Variants in IFNAR1 observed in about 807,000 individuals in gnomAD.
IFNAR1 encodes interferon alpha and beta receptor subunit 1, also known as interferon alpha/beta receptor 1.
IFNAR1 carries 47 observed loss-of-function variants against 62.1 expected under a neutral mutation model. The ratio of observed to expected loss-of-function variants is 0.76; its 90% CI spans 0.60 to 0.97. The LOEUF (loss-of-function observed/expected upper bound fraction) is 0.97, where lower values mean the gene tolerates loss of function less well. Among genes scored for constraint, IFNAR1 ranks in the 50% least tolerant of loss-of-function variants. The pLI is 0.00. For missense variants in IFNAR1, 638 were observed against 654.5 expected (o/e 0.97, Z 0.27); for synonymous variants, 219 against 226.9 (o/e 0.97, Z 0.31).
intron 1 of IFNAR1, among the ~76,000 whole-genome samples, chr21:33,332,738 A>G (rs573547461): frequency 1.4e-4 from 21 of 152,342 alleles, no homozygotes; most frequent in Non-Finnish European, 3.1e-4. Context: ...AAAAAATACA[A>G]TAAAGAGCTT....
chr21:33,349,674 C>G, intron 8 of IFNAR1, 131 bp downstream of exon 8: 1 of 656,930 alleles, frequency 1.5e-6, no homozygotes, highest in Non-Finnish European at 2.5e-6. Flanking sequence ...CCTGTAATCC[C>G]AGCACTTCAG....
intron 1 of IFNAR1, among the ~76,000 whole-genome samples, chr21:33,333,593 A>T (rs1405378936): frequency 2.0e-5 from 3 of 151,500 alleles, no homozygotes; most frequent in Non-Finnish European, 2.9e-5. Context: ...TAAATTCCAT[A>T]CTTAAAGAGA....
chr21:33,327,913 G>A (rs1241624088), intron 1 of IFNAR1, among the ~76,000 whole-genome samples: 3 of 152,148 alleles, frequency 2.0e-5, no homozygotes, highest in Non-Finnish European at 4.4e-5. Flanking sequence ...AAGATTTTCT[G>A]ATTGGTAATT....
rs765929924 is a variant in IFNAR1 at position 33,335,579 on chromosome 21, C to T, written c.132C>T (p.Asn44=). Residue 44 remains asparagine (N), a synonymous_variant, in exon 2 of 11, where the codon AAC becomes AAT. Coordinates refer to ENST00000270139, the MANE Select transcript of IFNAR1 (RefSeq NM_000629.3). ...QKVEVDIIDD[N]FILRWNRSDE... is the part of the protein sequence containing the mutation. The stretch of plus-strand genomic sequence containing the variant: ...TAGAGGTCGACATCATAGATGACAA[C>T]TTTATCCTGAGGTGGAACAGGAGCG... 6.2e-7 allele frequency: 1 copy of T among 1,607,882 alleles called. No homozygotes were observed. The highest frequency in any genetic ancestry group is 8.5e-7 in the Non-Finnish European group (1 of 1,176,834).
Position 33,356,083 on chromosome 21 carries a change from C to G in IFNAR1, c.*534C>G, listed in dbSNP as rs2083445365. On this transcript the variant is annotated 3_prime_UTR_variant, in exon 11 of 11. Transcript: ENST00000270139. ...TTCCATGTGTAAAATCATGAAAAAG[C>G]CTGTCACCGGACTTGCATTGGATGA... is the stretch of plus-strand genomic sequence containing the variant. 1.3e-5 allele frequency: 2 copies of G among 152,154 alleles called. No homozygotes were observed. Among genetic ancestry groups the G allele is most frequent in the African/African-American group, 4.8e-5 (2 of 41,438 alleles). 9.4% of individuals were successfully genotyped at this position (152,154 alleles called of 1,614,324 possible). A position where few individuals can be genotyped will look rare whatever the true frequency, so the allele number is the denominator to read the frequency against.
chr21:33,334,128 A>G (rs1318484033), intron 1 of IFNAR1, among the ~76,000 whole-genome samples: 2 of 152,234 alleles, frequency 1.3e-5, no homozygotes, highest in Non-Finnish European at 2.9e-5. Flanking sequence ...GCAAGAGGAT[A>G]TAACAATTCT....
chr21:33,348,395 AATAG>A (rs2083368817), intron 6 of IFNAR1, among the ~76,000 whole-genome samples: 1 of 152,264 alleles, frequency 6.6e-6, no homozygotes, highest in Non-Finnish European at 1.5e-5. Flanking sequence ...ATATAGCTAC[AATAG>A]ATAAAGATAG....
chr21:33,352,977 T>C, intron 9 of IFNAR1, 69 bp downstream of exon 9: 1 of 1,085,428 alleles, frequency 9.2e-7, no homozygotes, highest in African/African-American at 1.6e-5. Context: ...ATACTGTACA[T>C]TGAAAATTGT....
intron 1 of IFNAR1, among the ~76,000 whole-genome samples, chr21:33,325,509 C>T (rs2083118646): frequency 6.6e-6 from 1 of 152,192 alleles, no homozygotes; most frequent in South Asian, 2.1e-4. Context: ...GGTGAATAGG[C>T]GCCCAGTCCC....
At chr21:33,335,996 A>G (rs2083230872) in intron 2 of IFNAR1, among the ~76,000 whole-genome samples, 2 of 147,218 alleles carry the variant, frequency 1.4e-5, no homozygotes, top group Admixed American at 6.8e-5. Flanking sequence ...GTATGTATAC[A>G]TGTGCCATGC....
intron 1 of IFNAR1, among the ~76,000 whole-genome samples, chr21:33,326,497 G>C (rs560220324): frequency 6.6e-6 from 1 of 152,112 alleles, no homozygotes; most frequent in Non-Finnish European, 1.5e-5. Flanking sequence ...CACCACGCCC[G>C]ATCTATTTAT....
At chr21:33,343,468 T>C (rs1568930167) in intron 4 of IFNAR1, 46 bp downstream of exon 4, 2 of 1,571,668 alleles carry the variant, frequency 1.3e-6, no homozygotes, top group Admixed American at 3.5e-5. Context: ...AGAGAAAAAT[T>C]AGGCGAATTA....
chr21:33,359,614 C>G lies in IFNAR1; in HGVS notation c.*4065C>G, dbSNP rs1281543587. On this transcript the variant is annotated 3_prime_UTR_variant, in exon 11 of 11. Coordinates refer to ENST00000270139, the MANE Select transcript of IFNAR1 (RefSeq NM_000629.3). ...AACTGTTTGCCCTTCACAAGTAGTTCTTCTTTCAGGATTAGTTCGTTCCAA... is the reference window on the plus strand; with the variant it reads ...AACTGTTTGCCCTTCACAAGTAGTTGTTCTTTCAGGATTAGTTCGTTCCAA... 2 of 152,162 alleles carry G rather than the reference C, an allele frequency of 1.3e-5. No homozygotes were observed. Among genetic ancestry groups the G allele is most frequent in the African/African-American group, 4.8e-5 (2 of 41,442 alleles). 9.4% of individuals were successfully genotyped at this position (152,162 alleles called of 1,614,324 possible).
At chr21:33,326,952 C>G (rs183279521) in intron 1 of IFNAR1, among the ~76,000 whole-genome samples, 45 of 152,072 alleles carry the variant, frequency 3.0e-4, no homozygotes, top group East Asian at 2.5e-3. Context: ...GAGGGGTACC[C>G]AAAGAGAATC....
intron 1 of IFNAR1, 71 bp from the exon 2 acceptor site, chr21:33,335,453 A>T: frequency 1.2e-6 from 1 of 829,674 alleles, no homozygotes; most frequent in South Asian, 2.2e-5. Flanking sequence ...CAGGGATGTG[A>T]GGGATAGAAT....
At position 33,325,020 on chromosome 21, in the gene IFNAR1, G is replaced by A. The variant is rs144986404; in HGVS notation, c.-36G>A. The A allele has an allele frequency of 9.4e-4, 1,470 of 1,561,710 alleles. 1 individual carries two copies. Among genetic ancestry groups the A allele is most frequent in the Non-Finnish European group, 1.2e-3 (1,383 of 1,151,296 alleles). On this transcript the variant is annotated 5_prime_UTR_variant, in exon 1 of 11. Coordinates refer to ENST00000270139, the MANE Select transcript of IFNAR1 (RefSeq NM_000629.3). The stretch of plus-strand genomic sequence containing the variant: ...CGGCTGAGAGGAGCTGCGCGTGCGC[G>A]AACATGTAACTGGTGGGATCTGCGG...
rs764523597 is a variant in IFNAR1 at position 33,352,889 on chromosome 21, A to G, written c.1275A>G (p.Val425=). ...LNKSSVFSDA[V]CEKTKPGNTS... is the part of the protein sequence containing the mutation. ...AAAGCAGTGTTTTTAGTGACGCTGT[A>G]TGTGAGAAAACAAAACCAGGTCAGA... The change falls in exon 9 of 11, where the codon GTA becomes GTG. Residue 425 remains valine, a synonymous_variant. Coordinates refer to ENST00000270139, the MANE Select transcript of IFNAR1 (RefSeq NM_000629.3). 7 of 1,583,112 alleles carry G rather than the reference A, an allele frequency of 4.4e-6. No homozygotes were observed. In the South Asian group the frequency reaches 8.2e-5, roughly 18 times the overall value.
intron 2 of IFNAR1, among the ~76,000 whole-genome samples, chr21:33,337,718 C>CATACATATACACACATTGTGT (rs1568927998): frequency 1.5e-5 from 2 of 130,478 alleles, no homozygotes; most frequent in Non-Finnish European, 3.5e-5. Flanking sequence ...ATTGTGTATA[C>CATACATATACACACATTGTGT]ATACATATAC....
intron 8 of IFNAR1, among the ~76,000 whole-genome samples, chr21:33,349,854 G>A (rs1217433694): frequency 2.0e-5 from 3 of 151,852 alleles, no homozygotes; most frequent in Non-Finnish European, 4.4e-5. Context: ...GGAGGTCAAG[G>A]CTGCAGTGAG....
Sources: allele counts gnomAD v4.1 joint callset (sites outside exome capture counted in the v4.1 genomes callset), GRCh38; gene constraint gnomAD v4.1.1; transcripts MANE v1.5; gene names NCBI Gene and HGNC (gene_info 2026-07-23, HGNC 2026-07-21).